TXNRD2: variants seen among roughly 807,000 people sequenced by gnomAD.
The protein encoded by TXNRD2 is thioredoxin reductase 2, mitochondrial.
A neutral mutation model predicts 70.8 loss-of-function variants in TXNRD2; 67 were observed. The observed-to-expected ratio is 0.95, with a 90% CI of 0.78 to 1.16. TXNRD2 has a LOEUF of 1.16. Ranked by LOEUF, TXNRD2 falls within the 50% of genes most tolerant of loss-of-function variation. The pLI is 0.00. For missense variants in TXNRD2, 644 were observed against 719.9 expected, an observed-to-expected ratio of 0.89 and a Z score of 1.21; for synonymous variants, 301 against 295.8, an observed-to-expected ratio of 1.02 and a Z score of -0.18.
At chr22:19,939,171 C>T (rs561388997) in intron 1 of TXNRD2, among the ~76,000 whole-genome samples, 3 of 149,508 alleles carry the variant, frequency 2.0e-5, no homozygotes, top group East Asian at 1.9e-4. Flanking sequence ...GAGGAAGAGA[C>T]GTTCGCGTCA....
chr22:19,885,108 G>C (rs934924440), intron 11 of TXNRD2, among the ~76,000 whole-genome samples: 2 of 152,132 alleles, frequency 1.3e-5, no homozygotes, highest in African/African-American at 2.4e-5. Context: ...GCACCGCATG[G>C]GCCTCTTCAT....
At chr22:19,906,554 C>G (rs150928773) in intron 8 of TXNRD2, among the ~76,000 whole-genome samples, 3 of 151,998 alleles carry the variant, frequency 2.0e-5, no homozygotes, top group African/African-American at 7.2e-5. Context: ...TCCAGGAGAT[C>G]AAGGCTGCAG....
chr22:19,923,283 A>T (rs368470417), intron 2 of TXNRD2, among the ~76,000 whole-genome samples: 1 of 152,188 alleles, frequency 6.6e-6, no homozygotes, highest in Non-Finnish European at 1.5e-5. Flanking sequence ...AATTCCTTCA[A>T]TGATGACTTT....
chr22:19,883,220 A>G (rs1238544126), intron 12 of TXNRD2, 105 bp downstream of exon 12: 3 of 1,443,530 alleles, frequency 2.1e-6, no homozygotes, highest in Non-Finnish European at 2.8e-6. Context: ...GTCATCAGAG[A>G]AAGTGTCGTT....
chr22:19,910,705 C>T (rs974430747), intron 8 of TXNRD2, among the ~76,000 whole-genome samples: 1 of 152,178 alleles, frequency 6.6e-6, no homozygotes, highest in African/African-American at 2.4e-5. Flanking sequence ...CTCCTGGGCT[C>T]AAGCAATCCT....
chr22:19,899,758 C>G (rs1433160887), intron 8 of TXNRD2, among the ~76,000 whole-genome samples: 1 of 152,270 alleles, frequency 6.6e-6, no homozygotes, highest in Non-Finnish European at 1.5e-5. Context: ...CCTGCATGCA[C>G]ATACTCTTAC....
At chr22:19,932,414 CA>C in intron 1 of TXNRD2, 1 of 1,612,592 alleles carries the variant, frequency 6.2e-7, no homozygotes, top group Non-Finnish European at 8.5e-7. Flanking sequence ...TTTTAGCCTG[CA>C]AAAGGTGTCA....
intron 11 of TXNRD2, among the ~76,000 whole-genome samples, chr22:19,890,239 G>A (rs921176658): frequency 9.9e-5 from 15 of 152,196 alleles, no homozygotes; most frequent in African/African-American, 2.7e-4. Flanking sequence ...CGCAGCCACC[G>A]CTCATAGGAA....
chr22:19,927,651 C>CAAAAAAA (rs149665821), intron 2 of TXNRD2, among the ~76,000 whole-genome samples: 12 of 68,370 alleles, frequency 1.8e-4, no homozygotes, highest in East Asian at 5.7e-4. Flanking sequence ...GACCTTGTCT[C>CAAAAAAA]AAAAAAAAAA....
At chr22:19,876,946 G>T in intron 17 of TXNRD2, 94 bp downstream of exon 17, 1 of 869,488 alleles carries the variant, frequency 1.2e-6, no homozygotes, top group Non-Finnish European at 1.6e-6. Context: ...GGCAGGTGTA[G>T]CCTTGCTGTA....
At chr22:19,938,168 G>A (rs1408189481) in intron 1 of TXNRD2, 1 of 152,188 alleles carries the variant, frequency 6.6e-6, no homozygotes, top group Non-Finnish European at 1.5e-5. Flanking sequence ...TGGGCCTGGT[G>A]TTAGGCAGGG....
chr22:19,880,566 T>C, intron 13 of TXNRD2, 56 bp downstream of exon 13: 2 of 1,521,856 alleles, frequency 1.3e-6, no homozygotes, highest in South Asian at 2.2e-5. Context: ...CCAGAAGAGC[T>C]AGCCTCGAAC....
intron 1 of TXNRD2, among the ~76,000 whole-genome samples, chr22:19,938,912 T>A (rs1251066390): frequency 6.6e-6 from 1 of 152,210 alleles, no homozygotes; most frequent in African/African-American, 2.4e-5. Context: ...TAGCATTGTT[T>A]AAGCTTTCTA....
At chr22:19,905,497 C>T (rs1019822787) in intron 8 of TXNRD2, among the ~76,000 whole-genome samples, 4 of 152,206 alleles carry the variant, frequency 2.6e-5, no homozygotes, top group African/African-American at 7.2e-5. Context: ...AAGGCCAGGG[C>T]ACCCAGAGCA....
chr22:19,906,242 A>ACACG (rs1940006923), intron 8 of TXNRD2, among the ~76,000 whole-genome samples: 1 of 152,206 alleles, frequency 6.6e-6, no homozygotes, highest in African/African-American at 2.4e-5. Context: ...TGAGGCTGTG[A>ACACG]CACGAGGCTT....
chr22:19,929,844 T>C (rs1390175330), intron 2 of TXNRD2, among the ~76,000 whole-genome samples: 1 of 152,034 alleles, frequency 6.6e-6, no homozygotes, highest in Non-Finnish European at 1.5e-5. Flanking sequence ...CCCATTTTGA[T>C]AGGTACAGTT....
At chr22:19,905,490 G>C (rs1004590538) in intron 8 of TXNRD2, among the ~76,000 whole-genome samples, 8 of 152,186 alleles carry the variant, frequency 5.3e-5, no homozygotes, top group African/African-American at 1.9e-4. Context: ...AGACAGCAAG[G>C]CCAGGGCACC....
At chr22:19,931,148 G>C in intron 1 of TXNRD2, 50 bp from the exon 2 acceptor site, 1 of 1,557,726 alleles carries the variant, frequency 6.4e-7, no homozygotes, top group Non-Finnish European at 8.8e-7. Flanking sequence ...GGTTAAACGT[G>C]GTACAGGATC....
chr22:19,905,880 G>A (rs555997361), intron 8 of TXNRD2, among the ~76,000 whole-genome samples: 1 of 145,506 alleles, frequency 6.9e-6, no homozygotes, highest in East Asian at 2.0e-4. Context: ...AAGAAAATCC[G>A]ACTTGTGGAC....
Sources: allele counts gnomAD v4.1 joint callset (sites outside exome capture counted in the v4.1 genomes callset), GRCh38; gene constraint gnomAD v4.1.1; transcripts MANE v1.5; gene names NCBI Gene and HGNC (gene_info 2026-07-23, HGNC 2026-07-21).